MYO7B: variants seen among roughly 807,000 people sequenced by gnomAD.
MYO7B encodes unconventional myosin-VIIb.
MYO7B carries 212 observed loss-of-function variants against 259.7 expected under a neutral mutation model. That is an observed-to-expected ratio of 0.82 (90% CI 0.73 to 0.91). The LOEUF (loss-of-function observed/expected upper bound fraction) is 0.91, where lower values mean the gene tolerates loss of function less well. Ranked by LOEUF, MYO7B falls within the 40% of genes least tolerant of loss-of-function variation. The pLI is 0.00. For synonymous variants in MYO7B, 1,197 were observed against 1,166.4 expected (o/e 1.03, Z -0.54); for missense variants, 2,732 against 2,813.5 (o/e 0.97, Z 0.66).
Position 127,615,720 on chromosome 2 carries a change from A to G in MYO7B, c.3398+3117A>G, listed in dbSNP as rs754492234. Among the ~76,000 whole-genome samples, 6 of 151,884 alleles carry G rather than the reference A, an allele frequency of 4.0e-5. No individual in the cohort carries two copies. The highest frequency in any genetic ancestry group is 5.9e-5 in the Non-Finnish European group (4 of 67,994). ...AGAACAGTTTGCTGTTTGCTCATAT[A>G]GCCTCCAGTGGTATACTAGATCACG... On this transcript the variant is annotated intron_variant, in intron 26 of 47. Transcript: ENST00000409816. This position sits in a 1 kb window ranked among gnomAD's most constrained non-coding sequence, Gnocchi z 4.4.
rs1338545195 is a variant in MYO7B at position 127,635,756 on chromosome 2, G to T, written c.5855G>T (p.Cys1952Phe). The T allele has an allele frequency of 2.5e-6, 4 of 1,603,542 alleles. No homozygotes were observed. The highest frequency in any genetic ancestry group is 1.3e-5 in the African/African-American group (1 of 74,676). Residue 1952 changes from cysteine (C) to phenylalanine (F), a missense_variant, in exon 44 of 48, where the codon TGT (cysteine) becomes TTT (phenylalanine). Transcript: ENST00000409816. ...LPKYLRGFHK[C>F]SREDAIHLAG... ...AAGTACCTGCGCGGATTCCACAAGT[G>T]TTCGCGGGAGGATGCCATCCACCTG...
intron 1 of MYO7B, among the ~76,000 whole-genome samples, chr2:127,540,144 C>T (rs1050587106): frequency 4.6e-5 from 7 of 150,932 alleles, no homozygotes; most frequent in Admixed American, 2.7e-4. Flanking sequence ...TAAACATGCA[C>T]GTGCAATTGT....
At chr2:127,558,291 A>G (rs1261282706) in intron 1 of MYO7B, among the ~76,000 whole-genome samples, 1 of 152,246 alleles carries the variant, frequency 6.6e-6, no homozygotes, top group Non-Finnish European at 1.5e-5. Context: ...CAAAACTGCA[A>G]TGTGATACCA....
At chr2:127,605,370 T>G (rs1419556909) in intron 19 of MYO7B, among the ~76,000 whole-genome samples, 3 of 152,102 alleles carry the variant, frequency 2.0e-5, no homozygotes, top group South Asian at 4.1e-4. Context: ...CCGAGGTAGG[T>G]GGATCACTTA....
At chr2:127,562,485 T>G (rs1372569649) in intron 2 of MYO7B, among the ~76,000 whole-genome samples, 3,807 of 123,662 alleles carry the variant, frequency 0.031, 169 homozygotes, top group African/African-American at 0.11. Context: ...TTTTATTGTT[T>G]TTTTTTTTTT....
At chr2:127,563,151 T>C (rs1289041024) in intron 2 of MYO7B, among the ~76,000 whole-genome samples, 2 of 152,228 alleles carry the variant, frequency 1.3e-5, no homozygotes, top group Non-Finnish European at 2.9e-5. Context: ...GCCTCTGACC[T>C]ACTCTTTGGT....
Position 127,576,650 on chromosome 2 carries a change from C to T in MYO7B, c.791C>T (p.Ala264Val), listed in dbSNP as rs1678878979. 1 of 1,612,326 alleles carries T rather than the reference C, an allele frequency of 6.2e-7. No homozygotes were observed. Among genetic ancestry groups the T allele is most frequent in the African/African-American group, 1.3e-5 (1 of 74,866 alleles). Reference sequence around the variant, plus strand: ...TACTGCATGCTCATGGGGGTGAGTGCTGAGGACAAGCAGCTGCTGAGCCTG... The same window carrying T: ...TACTGCATGCTCATGGGGGTGAGTGTTGAGGACAAGCAGCTGCTGAGCCTG... ...IFYCMLMGVS[A>V]EDKQLLSLGT... Residue 264 changes from alanine (A) to valine (V), a missense_variant, in exon 8 of 48, where the codon GCT (alanine) becomes GTT (valine). Physicochemically the swap from Ala to Val is moderately conservative, Grantham distance 64. Around this residue, in one of 3 missense-constraint regions of MYO7B, gnomAD observed 1,906 missense variants for 2,026.4 expected, o/e 0.94. Transcript: ENST00000409816. This position sits in a 1 kb window ranked among gnomAD's most constrained non-coding sequence, Gnocchi z 4.9.
rs1292297697 is a variant in MYO7B at position 127,546,888 on chromosome 2, T to C, written c.-24+11057T>C. Among the ~76,000 whole-genome samples, 2 of 151,608 alleles carry C rather than the reference T, an allele frequency of 1.3e-5. No homozygotes were observed. The highest frequency in any genetic ancestry group is 6.6e-5 in the Admixed American group (1 of 15,220). ...CTTACCCAATCCAACCATTAATCCATCCACCATCCATCTATCCACCCACCC... is the reference window on the plus strand; with the variant it reads ...CTTACCCAATCCAACCATTAATCCACCCACCATCCATCTATCCACCCACCC... On this transcript the variant is annotated intron_variant, in intron 1 of 47. Transcript: ENST00000409816. The surrounding 1 kb of genome is among the most constrained non-coding windows in gnomAD (Gnocchi z 4.2).
At chr2:127,632,744 G>T (rs1242105420) in intron 39 of MYO7B, among the ~76,000 whole-genome samples, 1 of 151,764 alleles carries the variant, frequency 6.6e-6, no homozygotes, top group African/African-American at 2.4e-5. Context: ...AGTCCATGCG[G>T]CCTCCCTCAT....
In MYO7B at chr2:127,623,433, C is replaced by A. The variant is rs566722795; in HGVS notation, c.3819+58C>A. On this transcript the variant is annotated intron_variant, in intron 29 of 47. Coordinates refer to ENST00000409816, the MANE Select transcript of MYO7B (RefSeq NM_001393586.1). ...TCCCTCATACACCCAGGGAGAGCAC[C>A]CTGAGGCTCAAGCCCTCTCACCTTT... 15 of 1,465,398 alleles carry A rather than the reference C, an allele frequency of 1.0e-5. No individual in the cohort carries two copies. In the African/African-American group the frequency reaches 1.6e-4, roughly 15 times the overall value. The allele number at this position is 1,465,398 out of a possible 1,614,324, so 90.8% of individuals were successfully genotyped here.
rs201927307 is a variant in MYO7B at position 127,636,307 on chromosome 2, G to A, written c.6106G>A (p.Ala2036Thr). 1.0e-4 allele frequency: 169 copies of A among 1,613,244 alleles called. No individual in the cohort carries two copies. The African/African-American group carries it at 1.4e-3, about 13-fold the overall frequency. Reference protein sequence around the residue: ...WICRWPTFGSAFFEVKQTSEP... With the variant: ...WICRWPTFGSTFFEVKQTSEP... ...CTGCCGGTGGCCCACCTTCGGATCC[G>A]CCTTCTTCGAGGTGAAGGTAAACCT... is the stretch of plus-strand genomic sequence containing the variant. Residue 2036 changes from alanine to threonine, a missense_variant, in exon 45 of 48, where the codon GCC becomes ACC. Ala to Thr is a moderately conservative substitution (Grantham distance 58). This residue lies in a region of MYO7B where 821 missense variants were observed against 769.3 expected (regional missense o/e 1.07). Transcript: ENST00000409816. The surrounding 1 kb of genome is among the most constrained non-coding windows in gnomAD (Gnocchi z 4.5).
rs1483541367 is a variant in MYO7B, at chr2:127,586,409, C to G, written c.1690+1496C>G. On this transcript the variant is annotated intron_variant, in intron 14 of 47. Coordinates refer to ENST00000409816, the MANE Select transcript of MYO7B (RefSeq NM_001393586.1). This position sits in a 1 kb window ranked among gnomAD's most constrained non-coding sequence, Gnocchi z 4.8. ...TGGAGGAATGAGGAGGTGTTCTGGT[C>G]TATTTAACTGGAGACAGGAATCCAG... Among the ~76,000 whole-genome samples the G allele has an allele frequency of 6.6e-6, 1 of 152,158 alleles. No homozygotes were observed. The highest frequency in any genetic ancestry group is 2.4e-5 in the African/African-American group (1 of 41,448).
In MYO7B at chr2:127,632,097, C is replaced by T. The variant is rs1420670515; in HGVS notation, c.5250-149C>T. The T allele has an allele frequency of 1.0e-5, 10 of 977,874 alleles. No homozygotes were observed. The South Asian group carries it at 1.4e-4, about 14-fold the overall frequency. The allele number at this position is 977,874 out of a possible 1,614,324, so 60.6% of individuals were successfully genotyped here. On this transcript the variant is annotated intron_variant, in intron 38 of 47. Transcript: ENST00000409816. The stretch of plus-strand genomic sequence containing the variant: ...GCCCGTGGCATCGGGCAGCCTGGCA[C>T]AGCTGGCATGGTGCAGCCTGGCAGG...
intron 10 of MYO7B, among the ~76,000 whole-genome samples, chr2:127,581,545 C>G (rs867328780): frequency 1.4e-4 from 21 of 152,236 alleles, no homozygotes; most frequent in Non-Finnish European, 2.6e-4. Flanking sequence ...CCAGCACACT[C>G]TCTTGCTCCT....
chr2:127,628,668 C>T lies in MYO7B; in HGVS notation c.4624+133C>T, dbSNP rs1021828597. The T allele has an allele frequency of 3.0e-6, 3 of 985,340 alleles. No individual in the cohort carries two copies. Among genetic ancestry groups the T allele is most frequent in the South Asian group, 3.3e-5 (2 of 60,672 alleles). 61.0% of individuals were successfully genotyped at this position (985,340 alleles called of 1,614,324 possible). On this transcript the variant is annotated intron_variant, in intron 34 of 47. Coordinates refer to ENST00000409816, the MANE Select transcript of MYO7B (RefSeq NM_001393586.1). This position sits in a 1 kb window ranked among gnomAD's most constrained non-coding sequence, Gnocchi z 4.8. ...AGCAGAGGGAGGGAAGGCCCCAAAG[C>T]TCTGTGGGGGCAGCTTTAGGCAAGG...
intron 7 of MYO7B, among the ~76,000 whole-genome samples, chr2:127,575,122 G>A (rs986173085): frequency 6.6e-6 from 1 of 152,206 alleles, no homozygotes; most frequent in African/African-American, 2.4e-5. Context: ...AAGCTGAGAA[G>A]GAAGGTCACA....
chr2:127,625,262 T>A, intron 30 of MYO7B, 106 bp from the exon 31 acceptor site: 5 of 1,312,700 alleles, frequency 3.8e-6, no homozygotes, highest in Non-Finnish European at 4.0e-6. Flanking sequence ...ACAGGTTAGC[T>A]CCCCTGTGAT....
chr2:127,622,819 C>T (rs941472249), intron 28 of MYO7B, among the ~76,000 whole-genome samples: 1 of 152,196 alleles, frequency 6.6e-6, no homozygotes, highest in African/African-American at 2.4e-5. Context: ...CAAAATGTTC[C>T]CGAGTCCTGG....
Position 127,636,881 on chromosome 2 carries a change from C to T in MYO7B, c.6295C>T (p.Arg2099Cys), listed in dbSNP as rs202134949. Reference sequence around the variant, plus strand: ...CCACATGGCGCTGGGGAGCCTGGGCCGTGGCAGCCGCCTGCTGTGCGAGAC... The same window carrying T: ...CCACATGGCGCTGGGGAGCCTGGGCTGTGGCAGCCGCCTGCTGTGCGAGAC... The part of the protein sequence containing the change: ...YFHMALGSLG[R>C]GSRLLCETSL... The change falls in exon 47 of 48, where the codon CGT (arginine) becomes TGT (cysteine). Residue 2099 changes from arginine to cysteine, a missense_variant. Transcript: ENST00000409816. This position sits in a 1 kb window ranked among gnomAD's most constrained non-coding sequence, Gnocchi z 4.5. The T allele has an allele frequency of 1.4e-5, 22 of 1,613,448 alleles. No individual in the cohort carries two copies. The highest frequency in any genetic ancestry group is 1.1e-4 in the East Asian group (5 of 44,852).
Sources: allele counts gnomAD v4.1 joint callset (sites outside exome capture counted in the v4.1 genomes callset), GRCh38; gene constraint gnomAD v4.1.1; regional missense constraint gnomAD v4.1.1; non-coding constraint Gnocchi (gnomAD v3.1); transcripts MANE v1.5; gene names NCBI Gene and HGNC (gene_info 2026-07-23, HGNC 2026-07-21).